The following ATXN2 variants were observed in gnomAD, a reference collection of about 807,000 sequenced individuals.
The protein encoded by ATXN2 is ataxin 2.
A neutral mutation model predicts 138.6 loss-of-function variants in ATXN2; 37 were observed. That is an observed-to-expected ratio of 0.27 (90% CI 0.21 to 0.35). ATXN2 has a LOEUF of 0.35. Ranked by LOEUF, ATXN2 falls within the 10% of genes least tolerant of loss-of-function variation. ATXN2 has a pLI of 1.00. For missense variants in ATXN2, 1,216 were observed against 1,480.3 expected (o/e 0.82, Z 2.93); for synonymous variants, 549 against 543.7 (o/e 1.01, Z -0.13).
intron 1 of ATXN2, among the ~76,000 whole-genome samples, chr12:111,565,869 G>A (rs11065954): frequency 0.1 from 15,238 of 151,756 alleles, 2,556 homozygotes; most frequent in African/African-American, 0.35. Flanking sequence ...GGTGGTGGGC[G>A]CCTGTAATCC....
chr12:111,577,027 G>A (rs543786932), intron 1 of ATXN2, among the ~76,000 whole-genome samples: 39 of 151,390 alleles, frequency 2.6e-4, no homozygotes, highest in African/African-American at 6.5e-4. Context: ...CGCTGGTCTC[G>A]AACTCCTGAC....
At chr12:111,593,610 TAAAAAAA>T (rs796284474) in intron 1 of ATXN2, among the ~76,000 whole-genome samples, 48 of 141,190 alleles carry the variant, frequency 3.4e-4, no homozygotes, top group African/African-American at 1.2e-3. Context: ...ATTTTTCTCT[TAAAAAAA>T]AAAAAAGAAA....
chr12:111,581,717 C>A (rs890619232), intron 1 of ATXN2: 2 of 658,990 alleles, frequency 3.0e-6, no homozygotes, highest in South Asian at 1.6e-5. Context: ...CCTGATTGTG[C>A]GCATCATTAC....
chr12:111,567,890 C>T (rs1339553395), intron 1 of ATXN2, among the ~76,000 whole-genome samples: 1 of 152,168 alleles, frequency 6.6e-6, no homozygotes, highest in Non-Finnish European at 1.5e-5. Flanking sequence ...ACAATATACA[C>T]AAACAATCTA....
At chr12:111,522,704 G>C (rs756695851) in intron 6 of ATXN2, among the ~76,000 whole-genome samples, 1 of 151,532 alleles carries the variant, frequency 6.6e-6, no homozygotes, top group Non-Finnish European at 1.5e-5. Flanking sequence ...CCTGAGATTA[G>C]GAGTTCGGGA....
intron 5 of ATXN2, among the ~76,000 whole-genome samples, chr12:111,532,951 C>A (rs1880923230): frequency 6.6e-6 from 1 of 151,824 alleles, no homozygotes; most frequent in African/African-American, 2.4e-5. Context: ...GTGGGACTTT[C>A]TCCAGCCACA....
chr12:111,476,866 T>G (rs1370622913), intron 18 of ATXN2, among the ~76,000 whole-genome samples: 6 of 152,120 alleles, frequency 3.9e-5, no homozygotes, highest in Admixed American at 3.9e-4. Flanking sequence ...TATTTGCAAA[T>G]TCAAAGAACG....
chr12:111,539,487 C>T (rs1270435830), intron 5 of ATXN2, among the ~76,000 whole-genome samples: 1 of 150,410 alleles, frequency 6.6e-6, no homozygotes, highest in African/African-American at 2.4e-5. Flanking sequence ...ATGGCTCATG[C>T]CTGTAATCCC....
intron 1 of ATXN2, among the ~76,000 whole-genome samples, chr12:111,576,041 C>T (rs1046675118): frequency 1.3e-5 from 2 of 152,148 alleles, no homozygotes; most frequent in South Asian, 2.1e-4. Flanking sequence ...GAGATCATGC[C>T]GCTGCACTCC....
rs765050183 is a variant in ATXN2, at chr12:111,554,123, C to CAA, written c.348+33_348+34dup. On this transcript the variant is annotated intron_variant, in intron 3 of 24. Coordinates refer to ENST00000673436, the MANE Select transcript of ATXN2 (RefSeq NM_001372574.1). ...TCATGGAATTACTTTATTCTACCCC[C>CAA]AAGGCAGTTTATCCCCAATAATCTA... is the stretch of plus-strand genomic sequence containing the variant. 2.0e-5 allele frequency: 27 copies of CAA among 1,349,776 alleles called. No homozygotes were observed. In the Middle Eastern group the frequency reaches 7.2e-4, roughly 36 times the overall value. The allele number at this position is 1,349,776 out of a possible 1,614,324, so 83.6% of individuals were successfully genotyped here.
intron 5 of ATXN2, among the ~76,000 whole-genome samples, chr12:111,544,850 G>T (rs1592885117): frequency 6.6e-6 from 1 of 152,198 alleles, no homozygotes; most frequent in Non-Finnish European, 1.5e-5. Flanking sequence ...ATGGCTAGAA[G>T]AATTCAGGAT....
Position 111,555,492 on chromosome 12 carries a change from G to A in ATXN2, c.288+391C>T, listed in dbSNP as rs754615908. 7.4e-4 allele frequency among the ~76,000 whole-genome samples: 112 copies of A among 152,206 alleles called. 2 individuals carry two copies. Among genetic ancestry groups the A allele is most frequent in the Middle Eastern group, 3.4e-3 (1 of 294 alleles). On this transcript the variant is annotated intron_variant, in intron 2 of 24. Transcript: ENST00000673436. Reference sequence around the variant, plus strand: ...CTCAGGAGATCTGATGGTTTTATAAGGGGCTTTCCCTGCTTTGCTCAGCAC... The same window carrying A: ...CTCAGGAGATCTGATGGTTTTATAAAGGGCTTTCCCTGCTTTGCTCAGCAC...
chr12:111,454,886 T>C (rs935890533), intron 23 of ATXN2: 3 of 592,598 alleles, frequency 5.1e-6, no homozygotes, highest in African/African-American at 3.7e-5. Flanking sequence ...CCAGCTCTTA[T>C]GAAGCTGACT....
At chr12:111,568,974 C>T (rs1883171174) in intron 1 of ATXN2, among the ~76,000 whole-genome samples, 1 of 146,394 alleles carries the variant, frequency 6.8e-6, no homozygotes, top group African/African-American at 2.7e-5. Context: ...AACCCAAACA[C>T]AGTGAAGCTA....
intron 1 of ATXN2, among the ~76,000 whole-genome samples, chr12:111,574,083 T>C (rs1883491144): frequency 6.6e-6 from 1 of 151,634 alleles, no homozygotes. Context: ...TTTGGGAGGC[T>C]GAGGCAGACA....
At chr12:111,557,116 T>C (rs1324798618) in intron 1 of ATXN2, among the ~76,000 whole-genome samples, 4 of 152,162 alleles carry the variant, frequency 2.6e-5, no homozygotes, top group African/African-American at 4.8e-5. Flanking sequence ...AAAAACATCA[T>C]TAAAGTGAAA....
At chr12:111,537,247 C>A (rs911394899) in intron 5 of ATXN2, among the ~76,000 whole-genome samples, 3 of 152,126 alleles carry the variant, frequency 2.0e-5, no homozygotes, top group African/African-American at 7.2e-5. Flanking sequence ...AGTACTAATA[C>A]ATGCTACAGC....
chr12:111,455,196 CAG>C (rs1412678448), intron 23 of ATXN2: 4 of 697,140 alleles, frequency 5.7e-6, no homozygotes, highest in African/African-American at 5.2e-5. Context: ...ATGAAAGTAG[CAG>C]AGACATCTAA....
intron 18 of ATXN2, among the ~76,000 whole-genome samples, chr12:111,481,528 G>A (rs1306170781): frequency 6.6e-6 from 1 of 152,132 alleles, no homozygotes; most frequent in Non-Finnish European, 1.5e-5. Context: ...TTATGAGGAT[G>A]TGGAGAAACT....
Sources: allele counts gnomAD v4.1 joint callset (sites outside exome capture counted in the v4.1 genomes callset), GRCh38; gene constraint gnomAD v4.1.1; transcripts MANE v1.5; gene names NCBI Gene and HGNC (gene_info 2026-07-23, HGNC 2026-07-21).